Variants in OXCT1 observed in about 807,000 individuals in gnomAD.
OXCT1 encodes succinyl-CoA:3-ketoacid coenzyme A transferase 1, mitochondrial.
Under a neutral mutation model 69.6 loss-of-function variants are expected in OXCT1, and 27 were observed. That is an observed-to-expected ratio of 0.39 (90% CI 0.29 to 0.54). The LOEUF (loss-of-function observed/expected upper bound fraction) is 0.54. Among genes scored for constraint, OXCT1 ranks in the 20% least tolerant of loss-of-function variants. The pLI is 0.72. For missense variants in OXCT1, 437 were observed against 650.2 expected (o/e 0.67, Z 3.57); for synonymous variants, 202 against 217.8 (o/e 0.93, Z 0.64).
chr5:41,757,728 T>C (rs978250115), intron 14 of OXCT1, among the ~76,000 whole-genome samples: 2 of 152,032 alleles, frequency 1.3e-5, no homozygotes, highest in Non-Finnish European at 2.9e-5. Context: ...CATCTATGAT[T>C]TTACAGAGGT....
chr5:41,855,195 T>C (rs1308911440), intron 3 of OXCT1, among the ~76,000 whole-genome samples: 1 of 152,214 alleles, frequency 6.6e-6, no homozygotes, highest in Non-Finnish European at 1.5e-5. Flanking sequence ...TTTAATATGA[T>C]GTTCAAAATC....
At chr5:41,843,002 T>C (rs2112409739) in intron 5 of OXCT1, among the ~76,000 whole-genome samples, 1 of 152,266 alleles carries the variant, frequency 6.6e-6, no homozygotes, top group African/African-American at 2.4e-5. Flanking sequence ...AAAGGTCCAG[T>C]GACAAAAGAA....
intron 13 of OXCT1, among the ~76,000 whole-genome samples, chr5:41,775,289 C>T (rs1745070058): frequency 6.6e-6 from 1 of 152,154 alleles, no homozygotes; most frequent in Admixed American, 6.6e-5. Flanking sequence ...TCTGACGAAC[C>T]AGCTATAAAG....
At chr5:41,803,449 G>A (rs577586389) in intron 9 of OXCT1, among the ~76,000 whole-genome samples, 14 of 152,024 alleles carry the variant, frequency 9.2e-5, no homozygotes, top group South Asian at 8.3e-4. Context: ...TTTCATTAAT[G>A]TGCTCTGCAA....
At chr5:41,798,787 G>GATGGGACCTCTGGAACATTCC in intron 11 of OXCT1, among the ~76,000 whole-genome samples, 1 of 152,320 alleles carries the variant, frequency 6.6e-6, no homozygotes, top group East Asian at 1.9e-4. Context: ...CCCAGATCTT[G>GATGGGACCTCTGGAACATTCC]ATGGGACCTC....
At chr5:41,830,683 G>A (rs1021614164) in intron 7 of OXCT1, among the ~76,000 whole-genome samples, 1 of 152,156 alleles carries the variant, frequency 6.6e-6, no homozygotes, top group Non-Finnish European at 1.5e-5. Context: ...TCAACATGGT[G>A]AGAAGTCTTT....
intron 14 of OXCT1, among the ~76,000 whole-genome samples, chr5:41,751,855 T>G (rs1170668903): frequency 6.6e-6 from 1 of 152,084 alleles, no homozygotes; most frequent in Non-Finnish European, 1.5e-5. Context: ...GTTAGAACAA[T>G]GGAGCTAGAT....
At chr5:41,755,644 C>T (rs1744033115) in intron 14 of OXCT1, among the ~76,000 whole-genome samples, 1 of 152,074 alleles carries the variant, frequency 6.6e-6, no homozygotes, top group Non-Finnish European at 1.5e-5. Flanking sequence ...GATTAATAAA[C>T]TCCATTTACC....
At chr5:41,808,221 G>A (rs534596136) in intron 7 of OXCT1, among the ~76,000 whole-genome samples, 1 of 152,116 alleles carries the variant, frequency 6.6e-6, no homozygotes, top group East Asian at 1.9e-4. Flanking sequence ...CATTGTTGTG[G>A]TGAAAGAATT....
intron 16 of OXCT1, among the ~76,000 whole-genome samples, chr5:41,733,420 T>A (rs1742737319): frequency 1.3e-5 from 2 of 152,144 alleles, no homozygotes; most frequent in Admixed American, 1.3e-4. Flanking sequence ...CTAATTTTTG[T>A]ATATTTAGTA....
intron 13 of OXCT1, among the ~76,000 whole-genome samples, chr5:41,769,759 C>A (rs1405347753): frequency 6.6e-6 from 1 of 151,892 alleles, no homozygotes; most frequent in Non-Finnish European, 1.5e-5. Context: ...TGTAGGATAT[C>A]ATCTTGCTTA....
intron 11 of OXCT1, among the ~76,000 whole-genome samples, chr5:41,797,151 C>T (rs1200421137): frequency 6.6e-6 from 1 of 152,144 alleles, no homozygotes; most frequent in African/African-American, 2.4e-5. Context: ...TTTTTAGAGG[C>T]TAAATAACAC....
rs141371715 is a variant in OXCT1, at chr5:41,822,917, C to T, written c.733-15479G>A. Among the ~76,000 whole-genome samples, 287 of 152,266 alleles carry T rather than the reference C, an allele frequency of 1.9e-3. 1 individual carries two copies. The highest frequency in any genetic ancestry group is 3.4e-3 in the Non-Finnish European group (228 of 68,018). ...CCACTGTGAGTCTTAATTGTTCGGA[C>T]CAGTAATGTTCAAATTATTTAGTCG... On this transcript the variant is annotated intron_variant, in intron 7 of 16. Coordinates refer to ENST00000196371, the MANE Select transcript of OXCT1 (RefSeq NM_000436.4).
intron 13 of OXCT1, among the ~76,000 whole-genome samples, chr5:41,788,897 A>G (rs983459143): frequency 6.6e-6 from 1 of 152,230 alleles, no homozygotes; most frequent in African/African-American, 2.4e-5. Context: ...TCTCAAATTT[A>G]AAAGGACTGA....
At position 41,848,663 on chromosome 5, in the gene OXCT1, G is replaced by A. The variant is rs1357475642; in HGVS notation, c.564+1367C>T. Among the ~76,000 whole-genome samples the A allele has an allele frequency of 1.3e-5, 2 of 151,566 alleles. 1 individual carries two copies. The highest frequency in any genetic ancestry group is 1.3e-4 in the Admixed American group (2 of 15,188). On this transcript the variant is annotated intron_variant, in intron 5 of 16. Transcript: ENST00000196371. ...CAACTATCTGATTTTTGACAAACCTGAGAAAAACAAGCAATGGGGAAAGGA... is the reference window on the plus strand; with the variant it reads ...CAACTATCTGATTTTTGACAAACCTAAGAAAAACAAGCAATGGGGAAAGGA...
chr5:41,781,148 C>A (rs988234360), intron 13 of OXCT1, among the ~76,000 whole-genome samples: 2 of 151,980 alleles, frequency 1.3e-5, no homozygotes, highest in Non-Finnish European at 2.9e-5. Context: ...CGTGATCTGC[C>A]CATCTCGGCC....
chr5:41,745,172 T>TA lies in OXCT1; in HGVS notation c.1419+4354dup, dbSNP rs942962533. Among the ~76,000 whole-genome samples the TA allele has an allele frequency of 1.0e-3, 149 of 146,606 alleles. 1 individual carries two copies. Among genetic ancestry groups the TA allele is most frequent in the Middle Eastern group, 3.4e-3 (1 of 290 alleles). On this transcript the variant is annotated intron_variant, in intron 15 of 16. Coordinates refer to ENST00000196371, the MANE Select transcript of OXCT1 (RefSeq NM_000436.4). ...GAAGTAAAGCACTCCTCAGCAAATG[T>TA]AAAAAAAAAACAAATTATAACAAAC...
chr5:41,744,306 A>T (rs1173862752), intron 15 of OXCT1, among the ~76,000 whole-genome samples: 1 of 152,208 alleles, frequency 6.6e-6, no homozygotes, highest in Non-Finnish European at 1.5e-5. Context: ...ATTTCTGCAC[A>T]TTCATTTTGT....
intron 13 of OXCT1, among the ~76,000 whole-genome samples, chr5:41,769,403 G>A (rs762097621): frequency 2.0e-5 from 3 of 152,028 alleles, no homozygotes; most frequent in Admixed American, 2.0e-4. Flanking sequence ...ATTAATCAGT[G>A]CCTGTGCCTT....
Sources: allele counts gnomAD v4.1 joint callset (sites outside exome capture counted in the v4.1 genomes callset), GRCh38; gene constraint gnomAD v4.1.1; transcripts MANE v1.5; gene names NCBI Gene and HGNC (gene_info 2026-07-23, HGNC 2026-07-21).